Variants in NRXN1 observed in about 807,000 individuals in gnomAD.
The protein encoded by NRXN1 is neurexin 1.
NRXN1 carries 39 observed loss-of-function variants against 150.9 expected under a neutral mutation model. The observed-to-expected ratio is 0.26, with a 90% CI of 0.20 to 0.34. The LOEUF is 0.34. Ranked by LOEUF, NRXN1 falls within the 10% of genes least tolerant of loss-of-function variation. NRXN1 has a pLI of 1.00. For missense variants in NRXN1, 1,815 were observed against 1,949.9 expected, an observed-to-expected ratio of 0.93 and a Z score of 1.30; for synonymous variants, 924 against 757.0, an observed-to-expected ratio of 1.22 and a Z score of -3.62.
At chr2:50,921,651 T>C (rs1448187406) in intron 5 of NRXN1, among the ~76,000 whole-genome samples, 1 of 151,336 alleles carries the variant, frequency 6.6e-6, no homozygotes, top group Non-Finnish European at 1.5e-5. Context: ...GCACCTGACA[T>C]GAAAAAGATC....
At chr2:50,858,230 C>A (rs1391040734) in intron 5 of NRXN1, among the ~76,000 whole-genome samples, 1 of 151,804 alleles carries the variant, frequency 6.6e-6, no homozygotes, top group Non-Finnish European at 1.5e-5. Context: ...ACAAATACAA[C>A]AAATTAATAT....
intron 2 of NRXN1, among the ~76,000 whole-genome samples, chr2:50,937,386 T>C (rs1048629224): frequency 1.3e-5 from 2 of 152,162 alleles, no homozygotes; most frequent in African/African-American, 4.8e-5. Context: ...CTCAATTTCC[T>C]GCTTGGCTTC....
At chr2:50,034,316 A>T (rs529533296) in intron 21 of NRXN1, among the ~76,000 whole-genome samples, 1 of 152,254 alleles carries the variant, frequency 6.6e-6, no homozygotes, top group South Asian at 2.1e-4. Context: ...GCAGCCATAA[A>T]AAAGAATGAG....
chr2:50,983,266 T>C (rs1318456800), intron 2 of NRXN1, among the ~76,000 whole-genome samples: 3 of 152,230 alleles, frequency 2.0e-5, no homozygotes, highest in East Asian at 1.9e-4. Flanking sequence ...AGATACTCTT[T>C]GCATTTAGGG....
intron 5 of NRXN1, among the ~76,000 whole-genome samples, chr2:50,672,259 T>G (rs1323305120): frequency 2.0e-5 from 3 of 151,658 alleles, no homozygotes; most frequent in African/African-American, 7.3e-5. Flanking sequence ...GCTATACCAA[T>G]GTTAAAAAAA....
chr2:50,678,775 T>C (rs1203945475), intron 5 of NRXN1, among the ~76,000 whole-genome samples: 3 of 151,990 alleles, frequency 2.0e-5, no homozygotes, highest in Non-Finnish European at 2.9e-5. Context: ...GAGATGAGGA[T>C]GATAAATGGG....
At chr2:50,178,578 C>T (rs1452648094) in intron 18 of NRXN1, among the ~76,000 whole-genome samples, 1 of 151,896 alleles carries the variant, frequency 6.6e-6, no homozygotes, top group Admixed American at 6.6e-5. Flanking sequence ...AAAGGGAATG[C>T]ATTAGAAGTT....
intron 18 of NRXN1, among the ~76,000 whole-genome samples, chr2:50,214,518 T>C (rs2063254254): frequency 6.6e-6 from 1 of 151,922 alleles, no homozygotes; most frequent in African/African-American, 2.4e-5. Flanking sequence ...ATGACTAATG[T>C]AAGCAACAGA....
chr2:50,159,002 C>G (rs1294229132), intron 18 of NRXN1, among the ~76,000 whole-genome samples: 1 of 152,044 alleles, frequency 6.6e-6, no homozygotes, highest in Non-Finnish European at 1.5e-5. Flanking sequence ...TAAGTTCACT[C>G]AAGCAGAAAA....
chr2:50,346,484 C>G lies in NRXN1; in HGVS notation c.3365-109514G>C, dbSNP rs1347658165. 1.3e-5 allele frequency among the ~76,000 whole-genome samples: 2 copies of G among 151,962 alleles called. No homozygotes were observed. Among genetic ancestry groups the G allele is most frequent in the Admixed American group, 1.3e-4 (2 of 15,260 alleles). On this transcript the variant is annotated intron_variant, in intron 17 of 22. Transcript: ENST00000401669. This position sits in a 1 kb window ranked among gnomAD's most constrained non-coding sequence, Gnocchi z 5.0. ...ACCTCGACAAGGAACGCCCCTCCCA[C>G]CCCTCACCACCAACACCCGCGACGC... is the stretch of plus-strand genomic sequence containing the variant.
intron 14 of NRXN1, 104 bp downstream of exon 14, chr2:50,497,229 A>T (rs1193303291): frequency 1.2e-6 from 1 of 835,148 alleles, no homozygotes; most frequent in South Asian, 3.3e-5. Context: ...GCTCCGGCCC[A>T]CCACCTTATG....
At chr2:50,139,930 T>C (rs1363152992) in intron 18 of NRXN1, among the ~76,000 whole-genome samples, 2 of 152,176 alleles carry the variant, frequency 1.3e-5, no homozygotes, top group African/African-American at 2.4e-5. Context: ...TAACAAAATA[T>C]TTAATCAAAG....
At chr2:50,059,255 C>A (rs1694113085) in intron 19 of NRXN1, among the ~76,000 whole-genome samples, 1 of 152,182 alleles carries the variant, frequency 6.6e-6, no homozygotes, top group South Asian at 2.1e-4. Context: ...AGACTGGCAG[C>A]ATTTTATGCC....
In NRXN1 at chr2:50,062,427, C is replaced by T. The variant is rs924074129; in HGVS notation, c.3719-7383G>A. Among the ~76,000 whole-genome samples, 9 of 151,992 alleles carry T rather than the reference C, an allele frequency of 5.9e-5. No homozygotes were observed. The East Asian group carries it at 7.7e-4, about 13-fold the overall frequency. Reference sequence around the variant, plus strand: ...TGGAATCTTGTACTTCCTAGTCTTCCGAATTGAAAGAAATAAACTTTTATT... The same window carrying T: ...TGGAATCTTGTACTTCCTAGTCTTCTGAATTGAAAGAAATAAACTTTTATT... On this transcript the variant is annotated intron_variant, in intron 19 of 22. Coordinates refer to ENST00000401669, the MANE Select transcript of NRXN1 (RefSeq NM_001330078.2).
Position 50,347,008 on chromosome 2 carries a change from A to C in NRXN1, c.3365-110038T>G. The C allele has an allele frequency of 7.3e-7, 1 of 1,367,648 alleles. No homozygotes were observed. The highest frequency in any genetic ancestry group is 9.4e-7 in the Non-Finnish European group (1 of 1,059,950). The allele number at this position is 1,367,648 out of a possible 1,614,324, so 84.7% of individuals were successfully genotyped here. On this transcript the variant is annotated intron_variant, in intron 17 of 22. Transcript: ENST00000401669. This position sits in a 1 kb window ranked among gnomAD's most constrained non-coding sequence, Gnocchi z 4.9. ...GAGGCAAAGTTTGGGGCGCGGGGAG[A>C]GGAGAGGGCGCAGGGGAGCGGGCGG...
chr2:50,550,228 T>C (rs1231565876), intron 9 of NRXN1, among the ~76,000 whole-genome samples: 7 of 151,958 alleles, frequency 4.6e-5, no homozygotes, highest in Non-Finnish European at 8.8e-5. Context: ...GGTTGTTTTG[T>C]GTTGTTTTGT....
intron 8 of NRXN1, among the ~76,000 whole-genome samples, chr2:50,560,089 T>G (rs1668830573): frequency 6.6e-6 from 1 of 152,216 alleles, no homozygotes; most frequent in Non-Finnish European, 1.5e-5. Flanking sequence ...TGGTCACTTT[T>G]TAAAATCTTT....
chr2:50,623,198 T>C, intron 6 of NRXN1, 116 bp downstream of exon 6: 1 of 754,570 alleles, frequency 1.3e-6, no homozygotes, highest in Non-Finnish European at 2.1e-6. Flanking sequence ...AAGAAAAAGC[T>C]AATTTGCAAG....
At chr2:49,998,683 A>T (rs1296863734) in intron 21 of NRXN1, among the ~76,000 whole-genome samples, 1 of 152,168 alleles carries the variant, frequency 6.6e-6, no homozygotes. Context: ...TAAAAAAAAT[A>T]ATGTCATGGC....
Sources: allele counts gnomAD v4.1 joint callset (sites outside exome capture counted in the v4.1 genomes callset), GRCh38; gene constraint gnomAD v4.1.1; non-coding constraint Gnocchi (gnomAD v3.1); transcripts MANE v1.5; gene names NCBI Gene and HGNC (gene_info 2026-07-23, HGNC 2026-07-21).